NKAIN2: variants seen among roughly 807,000 people sequenced by gnomAD.
NKAIN2 encodes the protein sodium/potassium-transporting ATPase subunit beta-1-interacting protein 2.
In NKAIN2, 14 loss-of-function variants were observed where a neutral mutation model predicts 32.6. That is an observed-to-expected ratio of 0.43 (90% CI 0.28 to 0.67). NKAIN2 has a LOEUF of 0.67. Ranked by LOEUF, NKAIN2 falls within the 30% of genes least tolerant of loss-of-function variation. The pLI, the probability that NKAIN2 is intolerant of heterozygous loss-of-function variation, is 0.17. For missense variants in NKAIN2, 198 were observed against 258.3 expected, an observed-to-expected ratio of 0.77 and a Z score of 1.60; for synonymous variants, 80 against 87.2, an observed-to-expected ratio of 0.92 and a Z score of 0.46.
chr6:124,115,998 T>G lies in NKAIN2; in HGVS notation c.55-167007T>G, dbSNP rs1582673485. Among the ~76,000 whole-genome samples, 3 of 151,998 alleles carry G rather than the reference T, an allele frequency of 2.0e-5. No homozygotes were observed. The South Asian group carries it at 6.2e-4, about 31-fold the overall frequency. On this transcript the variant is annotated intron_variant, in intron 1 of 6. Coordinates refer to ENST00000368417, the MANE Select transcript of NKAIN2 (RefSeq NM_001040214.3). Reference sequence around the variant, plus strand: ...ATACTTTTTACTAAATATCAAATGCTTTTTTATATAAAATATTATATTTTA... The same window carrying G: ...ATACTTTTTACTAAATATCAAATGCGTTTTTATATAAAATATTATATTTTA...
At chr6:124,455,765 A>T (rs1020100475) in intron 3 of NKAIN2, among the ~76,000 whole-genome samples, 1 of 151,912 alleles carries the variant, frequency 6.6e-6, no homozygotes, top group Non-Finnish European at 1.5e-5. Flanking sequence ...GCATGTGCCT[A>T]TTTAAAAATA....
At position 124,798,934 on chromosome 6, in the gene NKAIN2, GGA is replaced by G. The variant is rs10597899; in HGVS notation, c.535+7536_535+7537del. ...TCTACCAAATCCCCAACCTAGAAGAGGACTCAGGAAGTATTTGCAAAATAAAT... is the reference window on the plus strand; with the variant it reads ...TCTACCAAATCCCCAACCTAGAAGAGCTCAGGAAGTATTTGCAAAATAAAT... On this transcript the variant is annotated intron_variant, in intron 5 of 6. Coordinates refer to ENST00000368417, the MANE Select transcript of NKAIN2 (RefSeq NM_001040214.3). 8.5e-3 allele frequency among the ~76,000 whole-genome samples: 1,299 copies of G among 152,178 alleles called. 16 individuals carry two copies. The highest frequency in any genetic ancestry group is 0.03 in the African/African-American group (1,243 of 41,494).
chr6:124,103,770 A>G (rs367842754), intron 1 of NKAIN2, among the ~76,000 whole-genome samples: 52 of 152,238 alleles, frequency 3.4e-4, no homozygotes, highest in African/African-American at 1.2e-3. Flanking sequence ...CTCCTTTTTT[A>G]GTTATATGAT....
At chr6:124,305,745 C>T (rs1796482380) in intron 2 of NKAIN2, among the ~76,000 whole-genome samples, 1 of 152,122 alleles carries the variant, frequency 6.6e-6, no homozygotes, top group Non-Finnish European at 1.5e-5. Flanking sequence ...ATCTTTTAGA[C>T]ATTTTCTTGC....
At chr6:124,564,995 C>G (rs1396107723) in intron 3 of NKAIN2, among the ~76,000 whole-genome samples, 2 of 152,004 alleles carry the variant, frequency 1.3e-5, no homozygotes, top group African/African-American at 4.8e-5. Context: ...TTTCACCACT[C>G]AGTTTTATCA....
intron 1 of NKAIN2, among the ~76,000 whole-genome samples, chr6:124,117,924 GA>G (rs1390091582): frequency 6.6e-6 from 1 of 151,180 alleles, no homozygotes; most frequent in African/African-American, 2.4e-5. Flanking sequence ...AAGCTATCAG[GA>G]AAGATGGCAT....
At chr6:124,639,363 A>T (rs903708859) in intron 3 of NKAIN2, among the ~76,000 whole-genome samples, 1 of 152,188 alleles carries the variant, frequency 6.6e-6, no homozygotes, top group African/African-American at 2.4e-5. Flanking sequence ...CGGTGTATAT[A>T]GGCTGGGAGT....
intron 1 of NKAIN2, among the ~76,000 whole-genome samples, chr6:124,258,148 A>C (rs74859392): frequency 0.35 from 53,776 of 151,600 alleles, 11,970 homozygotes; most frequent in African/African-American, 0.63. Flanking sequence ...AGATTAAAAA[A>C]AAAAAAAAAC....
At chr6:123,948,027 A>T (rs1364111804) in intron 1 of NKAIN2, among the ~76,000 whole-genome samples, 1 of 152,020 alleles carries the variant, frequency 6.6e-6, no homozygotes, top group Non-Finnish European at 1.5e-5. Context: ...TTGTCTTTCT[A>T]TGCCTGGCTT....
At chr6:123,882,875 G>A (rs1385102339) in intron 1 of NKAIN2, among the ~76,000 whole-genome samples, 3 of 152,166 alleles carry the variant, frequency 2.0e-5, no homozygotes, top group Non-Finnish European at 2.9e-5. Context: ...CCACATAACT[G>A]TTTCTCATCA....
chr6:124,504,545 A>T (rs550227631), intron 3 of NKAIN2, among the ~76,000 whole-genome samples: 2 of 152,300 alleles, frequency 1.3e-5, no homozygotes, highest in East Asian at 3.9e-4. Context: ...TTGTTTCTCA[A>T]CACTGAATTC....
chr6:124,213,769 A>G (rs1284082863), intron 1 of NKAIN2, among the ~76,000 whole-genome samples: 1 of 152,138 alleles, frequency 6.6e-6, no homozygotes, highest in Non-Finnish European at 1.5e-5. Context: ...TTCTCACAGA[A>G]TGTTTTTCTT....
intron 3 of NKAIN2, among the ~76,000 whole-genome samples, chr6:124,439,062 A>G (rs1430254134): frequency 6.6e-6 from 1 of 152,132 alleles, no homozygotes; most frequent in East Asian, 1.9e-4. Context: ...ACTTCTTCAG[A>G]TCCTAGAATC....
chr6:124,099,429 A>G (rs1484977094), intron 1 of NKAIN2, among the ~76,000 whole-genome samples: 1 of 152,226 alleles, frequency 6.6e-6, no homozygotes, highest in Non-Finnish European at 1.5e-5. Flanking sequence ...ATTGCTGTCT[A>G]TCTAGATGGT....
intron 1 of NKAIN2, among the ~76,000 whole-genome samples, chr6:124,251,220 T>C (rs1793679259): frequency 6.6e-6 from 1 of 152,036 alleles, no homozygotes. Flanking sequence ...AAAAGATTTT[T>C]GGATTAGATT....
chr6:123,897,876 T>C (rs1225193712), intron 1 of NKAIN2, among the ~76,000 whole-genome samples: 1 of 152,164 alleles, frequency 6.6e-6, no homozygotes, highest in Non-Finnish European at 1.5e-5. Flanking sequence ...CCTGGGCTGG[T>C]TCTGTACTGT....
intron 4 of NKAIN2, among the ~76,000 whole-genome samples, chr6:124,673,810 A>G (rs1773220509): frequency 6.6e-6 from 1 of 151,976 alleles, no homozygotes; most frequent in Admixed American, 6.6e-5. Context: ...TGGTTTACCA[A>G]TATTTTCCAC....
chr6:124,064,091 C>T (rs1307248640), intron 1 of NKAIN2, among the ~76,000 whole-genome samples: 2 of 151,976 alleles, frequency 1.3e-5, no homozygotes, highest in Non-Finnish European at 2.9e-5. Flanking sequence ...GCTGGGACTA[C>T]AGGTGCCTGC....
chr6:124,246,919 TAC>T (rs1793437707), intron 1 of NKAIN2, among the ~76,000 whole-genome samples: 1 of 152,102 alleles, frequency 6.6e-6, no homozygotes, highest in Non-Finnish European at 1.5e-5. Flanking sequence ...CCCACTGGGC[TAC>T]AACCAAGATG....
Sources: allele counts gnomAD v4.1 joint callset (sites outside exome capture counted in the v4.1 genomes callset), GRCh38; gene constraint gnomAD v4.1.1; transcripts MANE v1.5; gene names NCBI Gene and HGNC (gene_info 2026-07-23, HGNC 2026-07-21).